The following CEP83 variants were observed in gnomAD, a reference collection of about 807,000 sequenced individuals.
CEP83 encodes the protein centrosomal protein 83.
Under a neutral mutation model 101.9 loss-of-function variants are expected in CEP83, and 70 were observed. The observed-to-expected ratio is 0.69, with a 90% CI of 0.57 to 0.84. The LOEUF (loss-of-function observed/expected upper bound fraction) is 0.84, where lower values mean the gene tolerates loss of function less well. CEP83 is among the 40% of genes least tolerant of loss of function. The pLI is 0.00. For missense variants in CEP83, 715 were observed against 787.2 expected, an observed-to-expected ratio of 0.91 and a Z score of 1.10; for synonymous variants, 264 against 267.9, an observed-to-expected ratio of 0.99 and a Z score of 0.14.
chr12:94,356,033 G>A (rs2060456057), intron 11 of CEP83, among the ~76,000 whole-genome samples: 1 of 152,084 alleles, frequency 6.6e-6, no homozygotes, highest in African/African-American at 2.4e-5. Context: ...TTCCTCTAGT[G>A]CCGCTGGGTT....
At chr12:94,435,179 A>G (rs971462064) in intron 2 of CEP83, 96 bp downstream of exon 2, 6 of 152,184 alleles carry the variant, frequency 3.9e-5, no homozygotes, top group Non-Finnish European at 7.3e-5. Context: ...TGTTCTCTCT[A>G]TAACAGAAGC....
intron 2 of CEP83, among the ~76,000 whole-genome samples, chr12:94,422,325 C>T (rs1314938425): frequency 6.6e-6 from 1 of 152,178 alleles, no homozygotes; most frequent in Non-Finnish European, 1.5e-5. Context: ...GTGAGTGGCA[C>T]CCTTTCTGCA....
chr12:94,330,006 C>T (rs1370226525), intron 14 of CEP83, among the ~76,000 whole-genome samples: 3 of 152,152 alleles, frequency 2.0e-5, no homozygotes, highest in Non-Finnish European at 2.9e-5. Flanking sequence ...CAACATTTGG[C>T]AGTGATATCC....
chr12:94,362,710 T>C (rs2060831486), intron 11 of CEP83, among the ~76,000 whole-genome samples: 1 of 152,190 alleles, frequency 6.6e-6, no homozygotes, highest in African/African-American at 2.4e-5. Context: ...GCAAAGGAAA[T>C]TAGTATGTCA....
intron 14 of CEP83, among the ~76,000 whole-genome samples, chr12:94,316,628 G>A (rs970929299): frequency 5.3e-5 from 8 of 152,036 alleles, no homozygotes; most frequent in Non-Finnish European, 1.0e-4. Flanking sequence ...TTGTGTCCAT[G>A]TGTTCTCATC....
the CEP83 span, chr12:94,282,474 A>C: frequency 1.0e-6 from 1 of 970,468 alleles, no homozygotes; most frequent in Non-Finnish European, 1.6e-6. Context: ...CTTTTAAAAC[A>C]TCCAGGACTC....
intron 2 of CEP83, among the ~76,000 whole-genome samples, chr12:94,433,213 A>G (rs1281242233): frequency 6.6e-6 from 1 of 152,214 alleles, no homozygotes; most frequent in African/African-American, 2.4e-5. Context: ...GATAGAAGAC[A>G]TTACGGGGTA....
At chr12:94,406,029 T>C (rs1230280025) in intron 4 of CEP83, among the ~76,000 whole-genome samples, 2 of 152,144 alleles carry the variant, frequency 1.3e-5, no homozygotes, top group Non-Finnish European at 2.9e-5. Context: ...TAGTTTCTGT[T>C]CCCCAAAAAC....
chr12:94,447,692 TA>T (rs1190017335), intron 1 of CEP83, among the ~76,000 whole-genome samples: 1 of 151,960 alleles, frequency 6.6e-6, no homozygotes, highest in Non-Finnish European at 1.5e-5. Context: ...GTAATATATA[TA>T]ATAATAATAG....
chr12:94,380,163 T>C (rs367931011), intron 6 of CEP83, among the ~76,000 whole-genome samples: 1 of 151,664 alleles, frequency 6.6e-6, no homozygotes, highest in African/African-American at 2.4e-5. Context: ...GAAACAACTG[T>C]TTGATCACAG....
At chr12:94,356,390 C>T (rs1362126659) in intron 11 of CEP83, among the ~76,000 whole-genome samples, 1 of 152,208 alleles carries the variant, frequency 6.6e-6, no homozygotes, top group African/African-American at 2.4e-5. Flanking sequence ...TACCCTTCTG[C>T]ACCCCCTCAT....
chr12:94,353,892 G>T (rs1356954618), intron 11 of CEP83, among the ~76,000 whole-genome samples: 1 of 151,442 alleles, frequency 6.6e-6, no homozygotes. Flanking sequence ...AAAGAGACAA[G>T]GAAGTTCATT....
chr12:94,370,984 T>TA (rs1489579017), intron 8 of CEP83, among the ~76,000 whole-genome samples: 10 of 151,248 alleles, frequency 6.6e-5, no homozygotes, highest in South Asian at 2.1e-4. Flanking sequence ...ACCTTGTCTC[T>TA]AAAAAAAAAT....
intron 11 of CEP83, among the ~76,000 whole-genome samples, chr12:94,346,322 G>A (rs141073155): frequency 6.6e-6 from 1 of 151,796 alleles, no homozygotes; most frequent in African/African-American, 2.4e-5. Context: ...CAAAATGCTG[G>A]GATTATAGGC....
chr12:94,311,389 C>T (rs1353108299), intron 15 of CEP83, among the ~76,000 whole-genome samples: 3 of 152,190 alleles, frequency 2.0e-5, no homozygotes, highest in Non-Finnish European at 4.4e-5. Context: ...ATGAGCAGGT[C>T]ATGGGAACCC....
In CEP83 at chr12:94,331,817, C is replaced by T. The variant is rs552958562; in HGVS notation, c.1590G>A (p.Glu530=). ...AQLEAEKTLE[E]KQIQWLEEKH... ...TTTCTTCCAACCACTGTATCTGTTT[C>T]TCTTCCAATGTCCTGTCAGAAGAAT... The change falls in exon 14 of 17, where the codon GAG becomes GAA. Residue 530 remains glutamate, a synonymous_variant. Coordinates refer to ENST00000397809, the MANE Select transcript of CEP83 (RefSeq NM_016122.3). 7.4e-6 allele frequency: 12 copies of T among 1,612,616 alleles called. No individual in the cohort carries two copies. The Admixed American group carries it at 1.2e-4, about 16-fold the overall frequency.
intron 2 of CEP83, among the ~76,000 whole-genome samples, chr12:94,425,725 T>C (rs1256315813): frequency 6.6e-6 from 1 of 152,216 alleles, no homozygotes; most frequent in Admixed American, 6.5e-5. Flanking sequence ...TCACAGACCG[T>C]CTTAATCTAT....
intron 11 of CEP83, among the ~76,000 whole-genome samples, chr12:94,338,745 C>G (rs2059555230): frequency 6.6e-6 from 1 of 152,032 alleles, no homozygotes; most frequent in African/African-American, 2.4e-5. Context: ...GTACTTTATA[C>G]TTTTGAAGTA....
rs3847818 is a variant in CEP83, at chr12:94,378,486, A to G, written c.801+305T>C. ...TCTGGTTTGAGATGACTTTACGCTC[A>G]GAAACTCAAATACATATATTTTTAT... On this transcript the variant is annotated intron_variant, in intron 7 of 16. Transcript: ENST00000397809. Among the ~76,000 whole-genome samples, 41,384 of 152,100 alleles carry G rather than the reference A, an allele frequency of 0.27. 5,799 individuals carry two copies. Among genetic ancestry groups the G allele is most frequent in the South Asian group, 0.33 (1,606 of 4,814 alleles).
Sources: gnomAD v4.1 joint callset for allele counts (sites outside exome capture counted in the v4.1 genomes callset) on GRCh38, gnomAD v4.1.1 for gene constraint, MANE v1.5 for transcripts, NCBI Gene and HGNC (gene_info 2026-07-23, HGNC 2026-07-21) for gene names.